The following BMP5 variants were observed in gnomAD, a reference collection of about 807,000 sequenced individuals.
BMP5 encodes the protein bone morphogenetic protein 5.
In BMP5, 23 loss-of-function variants were observed where a neutral mutation model predicts 46.6. The ratio of observed to expected loss-of-function variants is 0.49; its 90% CI spans 0.35 to 0.70. The LOEUF is 0.70. BMP5 is among the 30% of genes least tolerant of loss of function. BMP5 has a pLI of 0.00. For synonymous variants in BMP5, 204 were observed against 191.9 expected, an observed-to-expected ratio of 1.06 and a Z score of -0.52; for missense variants, 545 against 565.6, an observed-to-expected ratio of 0.96 and a Z score of 0.37.
At chr6:55,850,502 T>C (rs1196877348) in intron 1 of BMP5, among the ~76,000 whole-genome samples, 3 of 152,100 alleles carry the variant, frequency 2.0e-5, no homozygotes, top group African/African-American at 7.2e-5. Flanking sequence ...GATATATACA[T>C]ACCTTATATA....
rs201787809 is a variant in BMP5, at chr6:55,874,575, C to T, written c.291G>A (p.Ser97=). Residue 97 remains serine (S), a synonymous_variant, in exon 1 of 7, where the codon TCG becomes TCA. Transcript: ENST00000370830. ...CCAAGGATGCCCTTACTGAGTACTCCGACTCTTCAGGATTTTCTTCATTGG... is the reference window on the plus strand; with the variant it reads ...CCAAGGATGCCCTTACTGAGTACTCTGACTCTTCAGGATTTTCTTCATTGG... ...AMTNEENPEE[S]EYSVRASLAE... is the part of the protein sequence containing the mutation. 3.8e-5 allele frequency: 61 copies of T among 1,613,390 alleles called. No individual in the cohort carries two copies. Among genetic ancestry groups the T allele is most frequent in the Middle Eastern group, 1.7e-4 (1 of 6,056 alleles).
intron 2 of BMP5, among the ~76,000 whole-genome samples, chr6:55,799,296 C>A (rs1368949808): frequency 6.6e-6 from 1 of 152,032 alleles, no homozygotes; most frequent in African/African-American, 2.4e-5. Context: ...TCATTTTGAC[C>A]TATGAGTTTT....
At chr6:55,832,152 G>C (rs946740881) in intron 1 of BMP5, among the ~76,000 whole-genome samples, 1 of 152,176 alleles carries the variant, frequency 6.6e-6, no homozygotes, top group Non-Finnish European at 1.5e-5. Flanking sequence ...TAGCTCTCCT[G>C]ACATGTCTTC....
intron 1 of BMP5, among the ~76,000 whole-genome samples, chr6:55,865,683 G>A (rs1218215295): frequency 1.3e-5 from 2 of 152,188 alleles, no homozygotes; most frequent in Admixed American, 6.5e-5. Context: ...TAGGCTGAAT[G>A]TAGATTTCCT....
At chr6:55,817,361 C>T (rs1221282873) in intron 2 of BMP5, among the ~76,000 whole-genome samples, 1 of 152,090 alleles carries the variant, frequency 6.6e-6, no homozygotes, top group Non-Finnish European at 1.5e-5. Flanking sequence ...AAATGTCCAT[C>T]AATGATAGAC....
intron 2 of BMP5, among the ~76,000 whole-genome samples, chr6:55,795,364 T>TGCAAA (rs1775683572): frequency 6.6e-6 from 1 of 152,070 alleles, no homozygotes; most frequent in Non-Finnish European, 1.5e-5. Flanking sequence ...ATTATGCATT[T>TGCAAA]TATGACCTTT....
intron 2 of BMP5, among the ~76,000 whole-genome samples, chr6:55,807,182 T>C (rs1241399184): frequency 1.3e-5 from 2 of 152,250 alleles, no homozygotes; most frequent in African/African-American, 4.8e-5. Context: ...CTTTTGCCCA[T>C]TCAGTATGAA....
chr6:55,842,819 C>T (rs3798830), intron 1 of BMP5, among the ~76,000 whole-genome samples: 65,644 of 151,708 alleles, frequency 0.43, 14,660 homozygotes, highest in African/African-American at 0.54. Flanking sequence ...TACTTCTTAG[C>T]TTTGAAGGTA....
Position 55,874,731 on chromosome 6 carries a change from G to C in BMP5, c.135C>G (p.Asn45Lys). The C allele has an allele frequency of 1.9e-6, 3 of 1,613,522 alleles. No homozygotes were observed. Among genetic ancestry groups the C allele is most frequent in the Non-Finnish European group, 2.5e-6 (3 of 1,179,684 alleles). ...HSSFIYRRLR[N>K]HERREIQREI... ...CCCTTTGTATTTCCCGTCTTTCGTG[G>C]TTCCGTAGTCTTCTATAAATAAAAC... Residue 45 changes from asparagine (N) to lysine (K), a missense_variant, in exon 1 of 7, where the codon AAC (asparagine) becomes AAG (lysine). Asn to Lys is a moderately conservative substitution (Grantham distance 94, BLOSUM62 0). Coordinates refer to ENST00000370830, the MANE Select transcript of BMP5 (RefSeq NM_021073.4).
chr6:55,799,055 T>C (rs1181435753), intron 2 of BMP5, among the ~76,000 whole-genome samples: 2 of 152,186 alleles, frequency 1.3e-5, no homozygotes, highest in African/African-American at 4.8e-5. Flanking sequence ...TTTTTATCAA[T>C]ATCAATCTAG....
chr6:55,821,974 A>G (rs1776420061), intron 1 of BMP5, among the ~76,000 whole-genome samples: 1 of 152,198 alleles, frequency 6.6e-6, no homozygotes, highest in Non-Finnish European at 1.5e-5. Context: ...GACCATATCT[A>G]AATAGCATTT....
chr6:55,871,741 C>A (rs1181378569), intron 1 of BMP5, among the ~76,000 whole-genome samples: 1 of 151,686 alleles, frequency 6.6e-6, no homozygotes, highest in Non-Finnish European at 1.5e-5. Flanking sequence ...TTGAAAAGGA[C>A]AACACACAAG....
chr6:55,774,656 A>AGG (rs1775128065), intron 3 of BMP5, among the ~76,000 whole-genome samples: 1 of 151,980 alleles, frequency 6.6e-6, no homozygotes, highest in African/African-American at 2.4e-5. Flanking sequence ...AATACTTGGC[A>AGG]GGGTGTTTCT....
At chr6:55,775,445 A>G (rs1775152494) in intron 3 of BMP5, among the ~76,000 whole-genome samples, 1 of 151,960 alleles carries the variant, frequency 6.6e-6, no homozygotes, top group Non-Finnish European at 1.5e-5. Context: ...ATCTGGTTCA[A>G]TGAAAATCAT....
At chr6:55,793,971 AT>A (rs969982127) in intron 3 of BMP5, among the ~76,000 whole-genome samples, 4 of 152,156 alleles carry the variant, frequency 2.6e-5, no homozygotes, top group Non-Finnish European at 5.9e-5. Flanking sequence ...TTATTTTGGT[AT>A]TGTTGTATTA....
intron 3 of BMP5, among the ~76,000 whole-genome samples, chr6:55,783,994 AC>A (rs1328078966): frequency 6.6e-6 from 1 of 151,964 alleles, no homozygotes; most frequent in African/African-American, 2.4e-5. Flanking sequence ...TAATTTTAAA[AC>A]CTTTTTTCAT....
chr6:55,788,479 T>C (rs1427591361), intron 3 of BMP5, among the ~76,000 whole-genome samples: 1 of 151,856 alleles, frequency 6.6e-6, no homozygotes, highest in African/African-American at 2.4e-5. Flanking sequence ...CTGTGGACTA[T>C]CACTTGTGAA....
At chr6:55,829,469 C>T (rs1447133) in intron 1 of BMP5, among the ~76,000 whole-genome samples, 32,578 of 151,224 alleles carry the variant, frequency 0.22, 3,704 homozygotes, top group Non-Finnish European at 0.25. Flanking sequence ...GCTCATGCCA[C>T]AAAATAGTAT....
intron 3 of BMP5, among the ~76,000 whole-genome samples, chr6:55,784,078 T>A (rs1775389514): frequency 6.6e-6 from 1 of 151,884 alleles, no homozygotes; most frequent in South Asian, 2.1e-4. Flanking sequence ...CATTCAAATA[T>A]AAATAAACTA....
Sources: allele counts gnomAD v4.1 joint callset (sites outside exome capture counted in the v4.1 genomes callset), GRCh38; gene constraint gnomAD v4.1.1; transcripts MANE v1.5; gene names NCBI Gene and HGNC (gene_info 2026-07-23, HGNC 2026-07-21).